CERS3: variants seen among roughly 807,000 people sequenced by gnomAD.
CERS3 encodes the protein LAG1 homolog, ceramide synthase 3.
CERS3 carries 33 observed loss-of-function variants against 50.3 expected under a neutral mutation model. The ratio of observed to expected loss-of-function variants is 0.66; its 90% CI spans 0.50 to 0.88. The LOEUF (loss-of-function observed/expected upper bound fraction) is 0.88, where lower values mean the gene tolerates loss of function less well. CERS3 is among the 40% of genes least tolerant of loss of function. The pLI is 0.00. For synonymous variants in CERS3, 176 were observed against 155.2 expected, an observed-to-expected ratio of 1.13 and a Z score of -0.99; for missense variants, 470 against 460.3, an observed-to-expected ratio of 1.02 and a Z score of -0.19.
At position 100,402,474 on chromosome 15, in the gene CERS3, G is replaced by A; in HGVS notation, c.*239C>T. 1 of 507,994 alleles carries A rather than the reference G, an allele frequency of 2.0e-6. No homozygotes were observed. The highest frequency in any genetic ancestry group is 2.6e-5 in the South Asian group (1 of 38,684). 31.5% of individuals were successfully genotyped at this position (507,994 alleles called of 1,614,324 possible). A position where few individuals can be genotyped will look rare whatever the true frequency, so the allele number is the denominator to read the frequency against. ...ATTAGAACTGAGACGGTTCTGTGGAGAAATCTTTGAAATCTTTGACCAGTC... is the reference window on the plus strand; with the variant it reads ...ATTAGAACTGAGACGGTTCTGTGGAAAAATCTTTGAAATCTTTGACCAGTC... On this transcript the variant is annotated 3_prime_UTR_variant, in exon 12 of 12. Transcript: ENST00000679737.
intron 1 of CERS3, among the ~76,000 whole-genome samples, chr15:100,540,781 C>G (rs1339003177): frequency 6.6e-6 from 1 of 152,192 alleles, no homozygotes; most frequent in Non-Finnish European, 1.5e-5. Flanking sequence ...CCCAGAAACA[C>G]TGTTGGGTTG....
chr15:100,441,815 G>A lies in CERS3; in HGVS notation c.999+14078C>T, dbSNP rs1465857632. On this transcript the variant is annotated intron_variant, in intron 11 of 11. Transcript: ENST00000679737. The stretch of plus-strand genomic sequence containing the variant: ...TACACATCAGTCCCCCCCAGTCTGT[G>A]TTCCCAGTGCAACTCATCCCAAATC... Among the ~76,000 whole-genome samples, 11 of 149,588 alleles carry A rather than the reference G, an allele frequency of 7.4e-5. No individual in the cohort carries two copies. The East Asian group carries it at 2.2e-3, about 29-fold the overall frequency.
At chr15:100,418,258 C>A (rs1392726473) in intron 11 of CERS3, among the ~76,000 whole-genome samples, 1 of 151,994 alleles carries the variant, frequency 6.6e-6, no homozygotes, top group Non-Finnish European at 1.5e-5. Flanking sequence ...AGCTGAAAAC[C>A]AAGGCCCGAG....
intron 1 of CERS3, among the ~76,000 whole-genome samples, chr15:100,523,489 C>G (rs1481494355): frequency 6.6e-6 from 1 of 152,002 alleles, no homozygotes; most frequent in Non-Finnish European, 1.5e-5. Flanking sequence ...ATCACAAGGT[C>G]AGGAGATTGC....
intron 5 of CERS3, among the ~76,000 whole-genome samples, chr15:100,481,309 G>T (rs1203749419): frequency 6.6e-6 from 1 of 152,122 alleles, no homozygotes; most frequent in Non-Finnish European, 1.5e-5. Context: ...TTTCTTCATG[G>T]CTTGTTTTGA....
chr15:100,430,025 C>CA (rs1476551411), intron 11 of CERS3, among the ~76,000 whole-genome samples: 2 of 151,482 alleles, frequency 1.3e-5, no homozygotes, highest in Non-Finnish European at 2.9e-5. Context: ...CAAGAATGAC[C>CA]AAAAAAGCCG....
At chr15:100,538,380 G>T (rs1263183404) in intron 1 of CERS3, among the ~76,000 whole-genome samples, 1 of 152,232 alleles carries the variant, frequency 6.6e-6, no homozygotes, top group Non-Finnish European at 1.5e-5. Context: ...CCTAGCAGAG[G>T]TACTCCATGA....
intron 3 of CERS3, among the ~76,000 whole-genome samples, chr15:100,495,279 G>A (rs758345671): frequency 4.6e-5 from 7 of 152,230 alleles, no homozygotes; most frequent in Non-Finnish European, 1.0e-4. Flanking sequence ...GAGAGGGCAA[G>A]ATGGGAACAG....
At chr15:100,416,671 C>G (rs767962484) in intron 11 of CERS3, among the ~76,000 whole-genome samples, 3 of 152,132 alleles carry the variant, frequency 2.0e-5, no homozygotes, top group Admixed American at 6.5e-5. Flanking sequence ...ATAAAACCAT[C>G]AGATCTCATG....
At chr15:100,404,440 A>G (rs1369733485) in intron 11 of CERS3, among the ~76,000 whole-genome samples, 2 of 152,234 alleles carry the variant, frequency 1.3e-5, no homozygotes, top group Admixed American at 1.3e-4. Flanking sequence ...CAAAATTCAG[A>G]GAGAAATCTG....
At chr15:100,410,014 C>T (rs2031354159) in intron 11 of CERS3, among the ~76,000 whole-genome samples, 1 of 152,138 alleles carries the variant, frequency 6.6e-6, no homozygotes, top group African/African-American at 2.4e-5. Flanking sequence ...CTACAGTAGC[C>T]GCCATTACAG....
chr15:100,480,619 G>C lies in CERS3; in HGVS notation c.408-573C>G, dbSNP rs188647363. ...AATTGTAACAAATGGATCTTATTTAGATCCTGATTCAAATCAAGAAATTGT... is the reference window on the plus strand; with the variant it reads ...AATTGTAACAAATGGATCTTATTTACATCCTGATTCAAATCAAGAAATTGT... On this transcript the variant is annotated intron_variant, in intron 5 of 11. Coordinates refer to ENST00000679737, the MANE Select transcript of CERS3 (RefSeq NM_001378789.1). Among the ~76,000 whole-genome samples, 443 of 152,254 alleles carry C rather than the reference G, an allele frequency of 2.9e-3. 2 individuals carry two copies. Among genetic ancestry groups the C allele is most frequent in the African/African-American group, 9.8e-3 (407 of 41,550 alleles).
At chr15:100,523,148 C>A (rs1320438591) in intron 1 of CERS3, among the ~76,000 whole-genome samples, 1 of 152,158 alleles carries the variant, frequency 6.6e-6, no homozygotes, top group East Asian at 1.9e-4. Context: ...CTGTTCAAAC[C>A]TCTTGCCCAT....
intron 11 of CERS3, among the ~76,000 whole-genome samples, chr15:100,444,271 CT>C (rs1235569075): frequency 1.3e-5 from 2 of 152,188 alleles, no homozygotes; most frequent in African/African-American, 4.8e-5. Flanking sequence ...GACATATATA[CT>C]TTCTGCTCCC....
chr15:100,476,551 T>C (rs1176169696), intron 7 of CERS3, among the ~76,000 whole-genome samples: 3 of 152,246 alleles, frequency 2.0e-5, no homozygotes, highest in African/African-American at 7.2e-5. Context: ...CTTTGATTAA[T>C]GTTTCTTGAA....
intron 9 of CERS3, 121 bp from the exon 10 acceptor site, chr15:100,469,605 G>T (rs1234397308): frequency 1.5e-5 from 10 of 678,580 alleles, no homozygotes; most frequent in Non-Finnish European, 2.5e-5. Context: ...TGGAAAGTAG[G>T]GGGTACAGGT....
At chr15:100,487,529 TG>T (rs1049910857) in intron 4 of CERS3, among the ~76,000 whole-genome samples, 44 of 152,302 alleles carry the variant, frequency 2.9e-4, no homozygotes, top group African/African-American at 1.0e-3. Flanking sequence ...CCTCACAATT[TG>T]TATTTTTAGC....
intron 10 of CERS3, among the ~76,000 whole-genome samples, chr15:100,459,767 ATT>A (rs1450762633): frequency 2.0e-5 from 3 of 152,202 alleles, no homozygotes; most frequent in Non-Finnish European, 2.9e-5. Context: ...TTCCTCAGAT[ATT>A]GACCAATATT....
intron 11 of CERS3, among the ~76,000 whole-genome samples, chr15:100,413,421 G>A (rs1035634922): frequency 6.6e-6 from 1 of 152,022 alleles, no homozygotes; most frequent in Non-Finnish European, 1.5e-5. Flanking sequence ...TAACTCATAT[G>A]CACCATTAAG....
Sources: gnomAD v4.1 joint callset for allele counts (sites outside exome capture counted in the v4.1 genomes callset) on GRCh38, gnomAD v4.1.1 for gene constraint, MANE v1.5 for transcripts, NCBI Gene and HGNC (gene_info 2026-07-23, HGNC 2026-07-21) for gene names.